SLC5A4: variants seen among roughly 807,000 people sequenced by gnomAD.
The protein encoded by SLC5A4 is probable glucose sensor protein SLC5A4.
Under a neutral mutation model 70.3 loss-of-function variants are expected in SLC5A4, and 55 were observed. The ratio of observed to expected loss-of-function variants is 0.78; its 90% CI spans 0.63 to 0.98. SLC5A4 has a LOEUF of 0.98. SLC5A4 is among the 50% of genes least tolerant of loss of function. The pLI is 0.00. For missense variants in SLC5A4, 735 were observed against 839.2 expected, an observed-to-expected ratio of 0.88 and a Z score of 1.53; for synonymous variants, 268 against 305.7, an observed-to-expected ratio of 0.88 and a Z score of 1.29.
At chr22:32,225,954 A>G (rs1925374336) in intron 11 of SLC5A4, 131 bp from the exon 12 acceptor site, 1 of 607,642 alleles carries the variant, frequency 1.6e-6, no homozygotes, top group African/African-American at 1.9e-5. Context: ...CCTTGATCAT[A>G]CATAAACCCA....
upstream of SLC5A4, among the ~76,000 whole-genome samples, chr22:32,257,659 C>T (rs5998343): frequency 1.1e-4 from 15 of 141,964 alleles, no homozygotes; most frequent in African/African-American, 3.5e-4. Flanking sequence ...GCAAGGTTTT[C>T]TTTTTTTTTT....
At chr22:32,317,103 A>G in the SLC5A4 span, among the ~76,000 whole-genome samples, 1 of 152,220 alleles carries the variant, frequency 6.6e-6, no homozygotes, top group African/African-American at 2.4e-5. Flanking sequence ...AGAATTTGAA[A>G]ATACTAATAA....
At chr22:32,289,346 A>G in the SLC5A4 span, among the ~76,000 whole-genome samples, 2 of 152,166 alleles carry the variant, frequency 1.3e-5, no homozygotes, top group African/African-American at 4.8e-5. Flanking sequence ...TTGAACTGTA[A>G]TAATTATCAG....
the SLC5A4 span, among the ~76,000 whole-genome samples, chr22:32,305,816 T>A: frequency 1.2e-3 from 182 of 151,778 alleles, no homozygotes; most frequent in African/African-American, 4.2e-3. Context: ...GCATGCCGTC[T>A]GCAGTGATTG....
chr22:32,219,798 GA>G (rs1924971676), intron 14 of SLC5A4, among the ~76,000 whole-genome samples: 1 of 151,932 alleles, frequency 6.6e-6, no homozygotes, highest in Non-Finnish European at 1.5e-5. Context: ...GTAAGATTAA[GA>G]AAAACGATAA....
At chr22:32,232,703 G>A (rs547440249) in intron 9 of SLC5A4, among the ~76,000 whole-genome samples, 196 bp downstream of exon 9, 1 of 152,188 alleles carries the variant, frequency 6.6e-6, no homozygotes, top group Admixed American at 6.5e-5. Flanking sequence ...CAGATGGTAT[G>A]AAGAGGATAA....
At chr22:32,329,387 T>A in the SLC5A4 span, among the ~76,000 whole-genome samples, 2 of 152,222 alleles carry the variant, frequency 1.3e-5, no homozygotes, top group South Asian at 4.1e-4. Flanking sequence ...GTCTATTGAG[T>A]CGGGAGAAAA....
chr22:32,339,367 C>CTGATGGG, the SLC5A4 span, among the ~76,000 whole-genome samples: 1 of 152,150 alleles, frequency 6.6e-6, no homozygotes, highest in Non-Finnish European at 1.5e-5. Flanking sequence ...GTCCATTGTA[C>CTGATGGG]TGATGGGAAC....
intron 10 of SLC5A4, 138 bp from the exon 11 acceptor site, chr22:32,229,482 G>A: frequency 2.4e-6 from 2 of 850,892 alleles, no homozygotes; most frequent in South Asian, 2.3e-5. Context: ...AGCATGTGGA[G>A]TTTCCTGCAT....
chr22:32,261,329 T>C, the SLC5A4 span, among the ~76,000 whole-genome samples: 5 of 152,260 alleles, frequency 3.3e-5, no homozygotes, highest in South Asian at 4.1e-4. Flanking sequence ...TCTATCCTCC[T>C]GCCCCCTTCA....
In SLC5A4 at chr22:32,237,231, G is replaced by C; in HGVS notation, c.664+13C>G. ...TCCAGGCCCTGGGCACTGCACGCAG[G>C]GTCATCACTTACCAAACCCCATGAG... On this transcript the variant is annotated intron_variant, in intron 7 of 14. Transcript: ENST00000266086. 1 of 1,592,854 alleles carries C rather than the reference G, an allele frequency of 6.3e-7. No homozygotes were observed. Among genetic ancestry groups the C allele is most frequent in the Non-Finnish European group, 8.6e-7 (1 of 1,164,852 alleles).
chr22:32,342,416 C>G, the SLC5A4 span, among the ~76,000 whole-genome samples: 45 of 152,010 alleles, frequency 3.0e-4, no homozygotes, highest in African/African-American at 9.9e-4. Flanking sequence ...GTGAATGAGA[C>G]CTGGTAGATA....
In SLC5A4 at chr22:32,229,410, G is replaced by T. The variant is rs932540964; in HGVS notation, c.1130-66C>A. On this transcript the variant is annotated intron_variant, in intron 10 of 14. Coordinates refer to ENST00000266086, the MANE Select transcript of SLC5A4 (RefSeq NM_014227.3). ...ACACTGCCTTGCTAAACCAGAGAGG[G>T]TTGAAAGGTTAAAAGTATCATCTGG... 2.6e-6 allele frequency: 4 copies of T among 1,541,816 alleles called. No homozygotes were observed. In the African/African-American group the frequency reaches 5.5e-5, roughly 21 times the overall value.
At chr22:32,343,241 T>A in the SLC5A4 span, 2 of 152,242 alleles carry the variant, frequency 1.3e-5, no homozygotes, top group African/African-American at 4.8e-5. Context: ...AATGAATGTG[T>A]GCCACGGTGT....
At chr22:32,235,137 A>G in intron 7 of SLC5A4, 44 bp from the exon 8 acceptor site, 1 of 1,401,292 alleles carries the variant, frequency 7.1e-7, no homozygotes, top group Non-Finnish European at 1.0e-6. Context: ...ACTGAAATCT[A>G]AGACATCCAA....
the SLC5A4 span, among the ~76,000 whole-genome samples, chr22:32,342,492 C>T: frequency 6.6e-6 from 1 of 152,030 alleles, no homozygotes; most frequent in Admixed American, 6.5e-5. Flanking sequence ...TAAACAAAAA[C>T]AACCCAAAAT....
the SLC5A4 span, among the ~76,000 whole-genome samples, chr22:32,333,206 C>CCCCCA: frequency 6.6e-6 from 1 of 150,504 alleles, no homozygotes; most frequent in South Asian, 2.1e-4. Flanking sequence ...ACCCCCCCCC[C>CCCCCA]AGAAGACTCA....
At chr22:32,351,707 G>A in the SLC5A4 span, among the ~76,000 whole-genome samples, 1 of 86,260 alleles carries the variant, frequency 1.2e-5, no homozygotes, top group Admixed American at 1.1e-4. Context: ...CGGGGCGGGG[G>A]TGGGGGGCGT....
intron 5 of SLC5A4, among the ~76,000 whole-genome samples, chr22:32,241,465 A>G (rs1926502464): frequency 6.6e-6 from 1 of 152,218 alleles, no homozygotes; most frequent in Non-Finnish European, 1.5e-5. Flanking sequence ...AGAACTGCAA[A>G]TAAGTTCTGA....
Sources: gnomAD v4.1 joint callset for allele counts (sites outside exome capture counted in the v4.1 genomes callset) on GRCh38, gnomAD v4.1.1 for gene constraint, MANE v1.5 for transcripts, NCBI Gene and HGNC (gene_info 2026-07-23, HGNC 2026-07-21) for gene names.